DCC: variants seen among roughly 807,000 people sequenced by gnomAD.
The protein encoded by DCC is DCC netrin 1 receptor, also known as netrin receptor DCC.
In DCC, 58 loss-of-function variants were observed where a neutral mutation model predicts 172.5. The ratio of observed to expected loss-of-function variants is 0.34; its 90% CI spans 0.27 to 0.42. DCC has a LOEUF of 0.42. Among genes scored for constraint, DCC ranks in the 10% least tolerant of loss-of-function variants. DCC has a pLI of 1.00. For missense variants in DCC, 1,740 were observed against 1,791.0 expected, an observed-to-expected ratio of 0.97 and a Z score of 0.51; for synonymous variants, 709 against 644.5, an observed-to-expected ratio of 1.10 and a Z score of -1.52.
At chr18:53,005,616 T>C (rs1212017196) in intron 5 of DCC, among the ~76,000 whole-genome samples, 1 of 152,140 alleles carries the variant, frequency 6.6e-6, no homozygotes, top group Non-Finnish European at 1.5e-5. Flanking sequence ...CAGTCCCAGC[T>C]ACTCGGGAGA....
chr18:52,672,855 CAA>C (rs1018841944), intron 1 of DCC, among the ~76,000 whole-genome samples: 1 of 152,070 alleles, frequency 6.6e-6, no homozygotes, highest in Non-Finnish European at 1.5e-5. Flanking sequence ...ATCACTTTGG[CAA>C]AGAGTTTAAG....
At chr18:52,587,690 T>C (rs950323245) in intron 1 of DCC, among the ~76,000 whole-genome samples, 3 of 152,178 alleles carry the variant, frequency 2.0e-5, no homozygotes, top group African/African-American at 7.2e-5. Flanking sequence ...TTGGGAAGAT[T>C]TACCTTCACC....
rs557242905 is a variant in DCC at position 52,520,201 on chromosome 18, G to A, written c.91+179323G>A. The stretch of plus-strand genomic sequence containing the variant: ...TGCTGCCCTCCACAGTGACAACTCC[G>A]TCGTCCTCCTCCAAGCACCTAGTGC... On this transcript the variant is annotated intron_variant, in intron 1 of 28. Transcript: ENST00000442544. Among the ~76,000 whole-genome samples, 22 of 152,222 alleles carry A rather than the reference G, an allele frequency of 1.4e-4. 1 individual carries two copies. The South Asian group carries it at 3.7e-3, about 26-fold the overall frequency.
chr18:52,897,456 T>G (rs1881890970), intron 2 of DCC, among the ~76,000 whole-genome samples: 1 of 152,208 alleles, frequency 6.6e-6, no homozygotes, highest in Admixed American at 6.5e-5. Context: ...ATTCAAACAT[T>G]TAGAGTCACA....
chr18:53,019,701 C>G (rs548409322), intron 5 of DCC, among the ~76,000 whole-genome samples: 1 of 152,120 alleles, frequency 6.6e-6, no homozygotes, highest in African/African-American at 2.4e-5. Flanking sequence ...AATTAAGGAC[C>G]ATGGATCAAA....
At position 52,421,033 on chromosome 18, in the gene DCC, C is replaced by T. The variant is rs553585404; in HGVS notation, c.91+80155C>T. Among the ~76,000 whole-genome samples the T allele has an allele frequency of 3.9e-5, 6 of 152,238 alleles. No homozygotes were observed. The South Asian group carries it at 1.2e-3, about 32-fold the overall frequency. On this transcript the variant is annotated intron_variant, in intron 1 of 28. Coordinates refer to ENST00000442544, the MANE Select transcript of DCC (RefSeq NM_005215.4). The stretch of plus-strand genomic sequence containing the variant: ...TATTACTTTTGCTAAGTCATATTTT[C>T]ACCTTATCGAATAATGATTCTCTTC...
At chr18:52,754,602 A>G (rs1252961819) in intron 2 of DCC, among the ~76,000 whole-genome samples, 2 of 152,186 alleles carry the variant, frequency 1.3e-5, no homozygotes, top group Non-Finnish European at 2.9e-5. Context: ...CAGCCTCCAG[A>G]ACTTTGAGAA....
chr18:52,456,507 T>C (rs1388385179), intron 1 of DCC, among the ~76,000 whole-genome samples: 1 of 152,186 alleles, frequency 6.6e-6, no homozygotes, highest in Non-Finnish European at 1.5e-5. Flanking sequence ...GTACCAAGTT[T>C]ATCACATATT....
chr18:53,530,264 G>C, intron 28 of DCC: 1 of 696,942 alleles, frequency 1.4e-6, no homozygotes, highest in Non-Finnish European at 2.6e-6. Flanking sequence ...GCACTCACTT[G>C]TCTAAGACCA....
intron 1 of DCC, among the ~76,000 whole-genome samples, chr18:52,606,729 C>T (rs1250068839): frequency 6.6e-6 from 1 of 152,056 alleles, no homozygotes; most frequent in African/African-American, 2.4e-5. Flanking sequence ...TTCTTTATAT[C>T]AGAATTGCTT....
chr18:52,655,358 G>T (rs2035225999), intron 1 of DCC, among the ~76,000 whole-genome samples: 1 of 152,138 alleles, frequency 6.6e-6, no homozygotes, highest in South Asian at 2.1e-4. Flanking sequence ...TCGAGCCATA[G>T]AGTTTCTTAC....
At chr18:52,715,195 A>G (rs2036357111) in intron 1 of DCC, among the ~76,000 whole-genome samples, 1 of 151,946 alleles carries the variant, frequency 6.6e-6, no homozygotes. Flanking sequence ...AATTACTCAG[A>G]AAACGTTTTT....
chr18:53,422,257 C>T (rs553263141), intron 21 of DCC, among the ~76,000 whole-genome samples: 7 of 152,268 alleles, frequency 4.6e-5, no homozygotes, highest in South Asian at 4.2e-4. Flanking sequence ...ACTTGCATAA[C>T]CTTCCTCTAT....
At chr18:53,328,920 T>C (rs2057499336) in intron 14 of DCC, among the ~76,000 whole-genome samples, 1 of 152,222 alleles carries the variant, frequency 6.6e-6, no homozygotes, top group African/African-American at 2.4e-5. Flanking sequence ...CCATTGGTTT[T>C]ATGAAACTTC....
chr18:53,456,784 G>A (rs1285594817), intron 23 of DCC, among the ~76,000 whole-genome samples: 8 of 152,230 alleles, frequency 5.3e-5, no homozygotes, highest in Admixed American at 5.2e-4. Flanking sequence ...CTAATGGTGA[G>A]ACACAGGAAC....
At position 52,735,512 on chromosome 18, in the gene DCC, C is replaced by G. The variant is rs897040563; in HGVS notation, c.92-16542C>G. ...AATAGGCCATCTGCAGTCTGAGAAG[C>G]CAGGAAGCCAGTCTGAGTCCCAAAA... is the stretch of plus-strand genomic sequence containing the variant. On this transcript the variant is annotated intron_variant, in intron 1 of 28. Coordinates refer to ENST00000442544, the MANE Select transcript of DCC (RefSeq NM_005215.4). 3.3e-5 allele frequency among the ~76,000 whole-genome samples: 5 copies of G among 152,084 alleles called. No homozygotes were observed. In the South Asian group the frequency reaches 1.0e-3, roughly 32 times the overall value.
intron 2 of DCC, among the ~76,000 whole-genome samples, chr18:52,861,030 AAT>A (rs1491006647): frequency 4.6e-5 from 7 of 151,166 alleles, no homozygotes; most frequent in African/African-American, 1.7e-4. Context: ...AAAAAAAAAA[AAT>A]TTTGGCTTCA....
At chr18:53,343,457 A>G (rs1229363696) in intron 15 of DCC, among the ~76,000 whole-genome samples, 2 of 151,656 alleles carry the variant, frequency 1.3e-5, no homozygotes, top group East Asian at 3.9e-4. Context: ...AATTACATTG[A>G]TTGATTTTTG....
chr18:53,361,636 T>C (rs116347126), intron 15 of DCC, among the ~76,000 whole-genome samples: 1 of 152,294 alleles, frequency 6.6e-6, no homozygotes, highest in African/African-American at 2.4e-5. Flanking sequence ...ACACATCTCT[T>C]ATGTTAGTGT....
Sources: gnomAD v4.1 joint callset for allele counts (sites outside exome capture counted in the v4.1 genomes callset) on GRCh38, gnomAD v4.1.1 for gene constraint, MANE v1.5 for transcripts, NCBI Gene and HGNC (gene_info 2026-07-23, HGNC 2026-07-21) for gene names.